USH2A: variants seen among roughly 807,000 people sequenced by gnomAD.
USH2A encodes Usher syndrome 2A (autosomal recessive, mild).
Under a neutral mutation model 538.9 loss-of-function variants are expected in USH2A, and 443 were observed. That is an observed-to-expected ratio of 0.82 (90% CI 0.76 to 0.89). USH2A has a LOEUF of 0.89. USH2A is among the 40% of genes least tolerant of loss of function. The probability of loss-of-function intolerance (pLI) is 0.00; values close to 1 mark genes in which losing one functional copy is unlikely to be tolerated. For missense variants in USH2A, 6,633 were observed against 6,324.8 expected (o/e 1.05, Z -1.65); for synonymous variants, 2,413 against 2,273.5 (o/e 1.06, Z -1.75).
At chr1:216,102,794 C>T (rs1028308176) in intron 21 of USH2A, among the ~76,000 whole-genome samples, 6 of 151,102 alleles carry the variant, frequency 4.0e-5, no homozygotes, top group African/African-American at 9.9e-5. Flanking sequence ...AACGAGATTC[C>T]GTCTCAAAAA....
At chr1:216,271,587 C>T (rs138475258) in intron 11 of USH2A, among the ~76,000 whole-genome samples, 3,422 of 152,152 alleles carry the variant, frequency 0.022, 61 homozygotes, top group Middle Eastern at 0.12. Flanking sequence ...AACCTCCTTG[C>T]TTTGTTCCTG....
intron 43 of USH2A, among the ~76,000 whole-genome samples, chr1:215,872,149 G>A (rs1467422072): frequency 1.3e-5 from 2 of 152,172 alleles, no homozygotes; most frequent in African/African-American, 4.8e-5. Context: ...CATCACACAA[G>A]TGTGGATTTG....
Position 215,675,087 on chromosome 1 carries a change from G to C in USH2A, c.12824C>G (p.Ser4275Cys), listed in dbSNP as rs1254163544. 1 of 1,614,128 alleles carries C rather than the reference G, an allele frequency of 6.2e-7. No individual in the cohort carries two copies. Among genetic ancestry groups the C allele is most frequent in the East Asian group, 2.2e-5 (1 of 44,862 alleles). Residue 4275 changes from serine (S) to cysteine (C), a missense_variant, in exon 63 of 72, where the codon TCT (serine) becomes TGT (cysteine). Coordinates refer to ENST00000307340, the MANE Select transcript of USH2A (RefSeq NM_206933.4). ...AATCAGCAGTTTTTGGGGATTCATAGAAACATAGGATATCACAGGTGGAGA... is the reference window on the plus strand; with the variant it reads ...AATCAGCAGTTTTTGGGGATTCATACAAACATAGGATATCACAGGTGGAGA... ...GLSPPVISYV[S>C]MNPQKLLISW...
At chr1:216,092,806 C>T (rs1381308192) in intron 22 of USH2A, among the ~76,000 whole-genome samples, 2 of 152,082 alleles carry the variant, frequency 1.3e-5, no homozygotes, top group Admixed American at 1.3e-4. Context: ...GATCCTAAGG[C>T]CATCCTGCTC....
At chr1:216,012,377 G>A (rs1230812359) in intron 32 of USH2A, among the ~76,000 whole-genome samples, 4 of 152,056 alleles carry the variant, frequency 2.6e-5, no homozygotes, top group African/African-American at 9.7e-5. Flanking sequence ...ACCCAGGACT[G>A]GCAAATTAGC....
chr1:216,328,149 A>G (rs2037773338), intron 4 of USH2A, among the ~76,000 whole-genome samples: 1 of 152,038 alleles, frequency 6.6e-6, no homozygotes, highest in Non-Finnish European at 1.5e-5. Context: ...GTTCTAGAAA[A>G]TCTCCAAATG....
At chr1:215,818,269 G>A (rs546467735) in intron 47 of USH2A, among the ~76,000 whole-genome samples, 3 of 151,750 alleles carry the variant, frequency 2.0e-5, no homozygotes, top group Admixed American at 6.6e-5. Flanking sequence ...TATATCTAGA[G>A]CTATTTACTT....
rs143683292 is a variant in USH2A, at chr1:215,888,930, A to G, written c.7719T>C (p.Arg2573=). 405 of 1,613,994 alleles carry G rather than the reference A, an allele frequency of 2.5e-4. No individual in the cohort carries two copies. Among genetic ancestry groups the G allele is most frequent in the Non-Finnish European group, 3.4e-4 (397 of 1,180,020 alleles). The change falls in exon 41 of 72, where the codon CGT becomes CGC. Residue 2573 remains arginine (R), a synonymous_variant. Transcript: ENST00000307340. ...CATTTCCAGGAGTTCTCAAGTATAG[A>G]CGGCCATGTAGATAAATGTTATAAT... The part of the protein sequence containing the change: ...ITHYNIYLHG[R]LYLRTPGNVT...
chr1:215,735,072 C>A (rs73088854), intron 60 of USH2A, among the ~76,000 whole-genome samples: 6,903 of 152,266 alleles, frequency 0.045, 490 homozygotes, highest in African/African-American at 0.15. Context: ...TAAAGAAATA[C>A]CTTGGGAGCA....
At chr1:216,257,936 G>A (rs1044901580) in intron 11 of USH2A, among the ~76,000 whole-genome samples, 1 of 151,936 alleles carries the variant, frequency 6.6e-6, no homozygotes, top group Admixed American at 6.6e-5. Flanking sequence ...ATATTTTTAT[G>A]TAGCTTTTAA....
intron 20 of USH2A, among the ~76,000 whole-genome samples, chr1:216,184,408 A>G (rs2034553904): frequency 1.3e-5 from 2 of 152,040 alleles, no homozygotes; most frequent in African/African-American, 4.8e-5. Flanking sequence ...TTAAATTCAA[A>G]GAAGGGAAAC....
intron 64 of USH2A, among the ~76,000 whole-genome samples, chr1:215,659,172 G>A (rs1657361217): frequency 6.6e-6 from 1 of 152,212 alleles, no homozygotes; most frequent in African/African-American, 2.4e-5. Context: ...TATACATAAG[G>A]TGATAGAGCA....
chr1:216,054,488 G>T (rs1035620666), intron 30 of USH2A, among the ~76,000 whole-genome samples: 1 of 152,112 alleles, frequency 6.6e-6, no homozygotes, highest in Non-Finnish European at 1.5e-5. Flanking sequence ...CTGCTTTCAC[G>T]TTGAAATTTT....
intron 40 of USH2A, among the ~76,000 whole-genome samples, chr1:215,897,334 G>A (rs35597186): frequency 0.14 from 21,321 of 152,106 alleles, 1,638 homozygotes; most frequent in South Asian, 0.3. Flanking sequence ...TTAAATGTGG[G>A]CACGAGGCGA....
intron 65 of USH2A, 43 bp from the exon 66 acceptor site, chr1:215,648,809 T>A (rs1656949751): frequency 2.6e-6 from 4 of 1,557,938 alleles, no homozygotes; most frequent in Non-Finnish European, 3.5e-6. Flanking sequence ...TGTCAAACAT[T>A]AAAGGTGTTT....
At chr1:215,736,896 GA>G (rs1660170310) in intron 60 of USH2A, among the ~76,000 whole-genome samples, 1 of 151,898 alleles carries the variant, frequency 6.6e-6, no homozygotes, top group African/African-American at 2.4e-5. Context: ...GACAACTTAG[GA>G]ATCCTCAACA....
intron 27 of USH2A, among the ~76,000 whole-genome samples, chr1:216,076,922 C>T (rs1021100932): frequency 6.6e-6 from 1 of 152,016 alleles, no homozygotes; most frequent in African/African-American, 2.4e-5. Context: ...CTATGCTTTC[C>T]CCACTTTACA....
chr1:216,170,236 GA>G, intron 21 of USH2A, among the ~76,000 whole-genome samples: 1 of 152,142 alleles, frequency 6.6e-6, no homozygotes, highest in East Asian at 1.9e-4. Flanking sequence ...TAAACATATT[GA>G]TTTTTGGTGG....
intron 41 of USH2A, among the ~76,000 whole-genome samples, chr1:215,885,774 T>A (rs1665034748): frequency 6.6e-6 from 1 of 152,206 alleles, no homozygotes; most frequent in Non-Finnish European, 1.5e-5. Context: ...TATTGGACTG[T>A]AATTCTTACA....
Sources: gnomAD v4.1 joint callset for allele counts (sites outside exome capture counted in the v4.1 genomes callset) on GRCh38, gnomAD v4.1.1 for gene constraint, MANE v1.5 for transcripts, NCBI Gene and HGNC (gene_info 2026-07-23, HGNC 2026-07-21) for gene names.